Variants in KCNMA1 observed in about 807,000 individuals in gnomAD.
KCNMA1 encodes the protein potassium calcium-activated channel subfamily M alpha 1.
Under a neutral mutation model 140.0 loss-of-function variants are expected in KCNMA1, and 29 were observed. The ratio of observed to expected loss-of-function variants is 0.21; its 90% CI spans 0.15 to 0.28. The LOEUF (loss-of-function observed/expected upper bound fraction) is 0.28, where lower values mean the gene tolerates loss of function less well. Ranked by LOEUF, KCNMA1 falls within the 10% of genes least tolerant of loss-of-function variation. KCNMA1 has a pLI of 1.00. For missense variants in KCNMA1, 880 were observed against 1,602.2 expected (o/e 0.55, Z 7.70); for synonymous variants, 612 against 611.9 (o/e 1.00, Z 0.00).
chr10:77,502,588 C>G (rs1272127516), intron 1 of KCNMA1, among the ~76,000 whole-genome samples: 1 of 152,088 alleles, frequency 6.6e-6, no homozygotes, highest in Non-Finnish European at 1.5e-5. Context: ...AAAGAAGAAC[C>G]CCCACATCTC....
At chr10:77,045,530 C>T (rs2094992860) in intron 14 of KCNMA1, among the ~76,000 whole-genome samples, 1 of 152,178 alleles carries the variant, frequency 6.6e-6, no homozygotes, top group African/African-American at 2.4e-5. Flanking sequence ...TTCATCCAGT[C>T]TAGTTGAACC....
At chr10:77,495,514 C>A (rs2041579187) in intron 1 of KCNMA1, among the ~76,000 whole-genome samples, 1 of 152,208 alleles carries the variant, frequency 6.6e-6, no homozygotes, top group Admixed American at 6.5e-5. Flanking sequence ...GTAATCTGCA[C>A]CAACAGAAAC....
intron 3 of KCNMA1, chr10:77,217,633 A>T: frequency 2.3e-6 from 1 of 426,182 alleles, no homozygotes; most frequent in Non-Finnish European, 4.8e-6. Flanking sequence ...ACAAAAGGAG[A>T]AAAAAAGTGG....
At chr10:77,252,525 T>TGTGTGTGTG (rs2059840784) in intron 2 of KCNMA1, among the ~76,000 whole-genome samples, 1 of 145,728 alleles carries the variant, frequency 6.9e-6, no homozygotes, top group African/African-American at 2.6e-5. Flanking sequence ...TGATCAAGCT[T>TGTGTGTGTG]TGTGTGTGTG....
intron 1 of KCNMA1, among the ~76,000 whole-genome samples, chr10:77,524,452 T>C (rs1375449326): frequency 6.6e-6 from 1 of 152,224 alleles, no homozygotes; most frequent in African/African-American, 2.4e-5. Context: ...ATGTGCAAAC[T>C]ATGCTCTCTC....
intron 3 of KCNMA1, among the ~76,000 whole-genome samples, chr10:77,194,178 A>T (rs1385600030): frequency 6.6e-6 from 1 of 152,174 alleles, no homozygotes; most frequent in Non-Finnish European, 1.5e-5. Flanking sequence ...TCATATTCAT[A>T]CAGGGGATGG....
chr10:77,500,956 AAC>A (rs2043646547), intron 1 of KCNMA1, among the ~76,000 whole-genome samples: 1 of 152,198 alleles, frequency 6.6e-6, no homozygotes, highest in Admixed American at 6.5e-5. Context: ...ACTTATTAAA[AAC>A]ACACATTCTC....
intron 5 of KCNMA1, among the ~76,000 whole-genome samples, chr10:77,132,268 C>T (rs1260032692): frequency 6.6e-6 from 1 of 152,014 alleles, no homozygotes; most frequent in Non-Finnish European, 1.5e-5. Flanking sequence ...AGCCACACAG[C>T]AAAGTAGAGG....
intron 1 of KCNMA1, among the ~76,000 whole-genome samples, chr10:77,617,729 A>G (rs2090071705): frequency 6.6e-6 from 1 of 152,234 alleles, no homozygotes; most frequent in Non-Finnish European, 1.5e-5. Flanking sequence ...GATAGTATCT[A>G]CATCATAGGC....
chr10:76,887,086 G>A lies in KCNMA1; in HGVS notation c.*180C>T. 6.5e-7 allele frequency: 1 copy of A among 1,540,514 alleles called. No individual in the cohort carries two copies. Among genetic ancestry groups the A allele is most frequent in the South Asian group, 1.2e-5 (1 of 83,178 alleles). The stretch of plus-strand genomic sequence containing the variant: ...TCTGCTTATTTGCTGTTGTGCTCAA[G>A]GGTTTTATGGTGGTGAAATAAAAAT... On this transcript the variant is annotated 3_prime_UTR_variant, in exon 28 of 28. Coordinates refer to ENST00000286628, the MANE Select transcript of KCNMA1 (RefSeq NM_001161352.2).
chr10:76,957,409 G>A (rs1323187389), intron 20 of KCNMA1, among the ~76,000 whole-genome samples: 1 of 152,132 alleles, frequency 6.6e-6, no homozygotes, highest in Non-Finnish European at 1.5e-5. Flanking sequence ...AACTGATTGA[G>A]TATGACTGAT....
intron 2 of KCNMA1, among the ~76,000 whole-genome samples, chr10:77,255,890 G>T (rs1027540992): frequency 6.9e-6 from 1 of 145,118 alleles, no homozygotes; most frequent in African/African-American, 2.6e-5. Flanking sequence ...TCCAGCCTGG[G>T]CAACAGAGTG....
At chr10:77,033,051 C>A (rs2094052127) in intron 15 of KCNMA1, among the ~76,000 whole-genome samples, 1 of 152,104 alleles carries the variant, frequency 6.6e-6, no homozygotes, top group Non-Finnish European at 1.5e-5. Flanking sequence ...CCCCCTGAAC[C>A]CAACCCCACC....
At chr10:77,232,286 T>C (rs904148063) in intron 3 of KCNMA1, among the ~76,000 whole-genome samples, 10 of 152,246 alleles carry the variant, frequency 6.6e-5, no homozygotes, top group African/African-American at 2.4e-4. Context: ...AGGAGTGGAA[T>C]GTACATGTCA....
chr10:77,574,026 G>A (rs1031428204), intron 1 of KCNMA1, among the ~76,000 whole-genome samples: 9 of 151,928 alleles, frequency 5.9e-5, no homozygotes, highest in Non-Finnish European at 1.3e-4. Flanking sequence ...AGTAGAGACA[G>A]GGTTTCACCA....
chr10:77,149,349 TC>T (rs1482919306), intron 5 of KCNMA1, among the ~76,000 whole-genome samples: 2 of 152,240 alleles, frequency 1.3e-5, no homozygotes, highest in Non-Finnish European at 2.9e-5. Flanking sequence ...TTTCTTCCAA[TC>T]CAAAACAAGT....
intron 20 of KCNMA1, among the ~76,000 whole-genome samples, chr10:76,968,734 A>G (rs1193608323): frequency 6.6e-6 from 1 of 152,228 alleles, no homozygotes; most frequent in Non-Finnish European, 1.5e-5. Flanking sequence ...GGTGAAGTGG[A>G]AGGCAGAGAA....
chr10:77,559,389 C>G (rs2065602900), intron 1 of KCNMA1, among the ~76,000 whole-genome samples: 1 of 152,232 alleles, frequency 6.6e-6, no homozygotes, highest in Non-Finnish European at 1.5e-5. Context: ...CTCTAGGACT[C>G]TGTCGGTGCC....
Position 77,443,797 on chromosome 10 carries a change from C to T in KCNMA1, c.379-39774G>A, listed in dbSNP as rs140064720. Among the ~76,000 whole-genome samples, 70 of 152,140 alleles carry T rather than the reference C, an allele frequency of 4.6e-4. No individual in the cohort carries two copies. The East Asian group carries it at 0.013, about 29-fold the overall frequency. On this transcript the variant is annotated intron_variant, in intron 1 of 27. Coordinates refer to ENST00000286628, the MANE Select transcript of KCNMA1 (RefSeq NM_001161352.2). ...ATTTGTGATAAAGAAATACTGAATG[C>T]TAAAATGAAAATAAAAATATCTTCT...
Sources: gnomAD v4.1 joint callset for allele counts (sites outside exome capture counted in the v4.1 genomes callset) on GRCh38, gnomAD v4.1.1 for gene constraint, MANE v1.5 for transcripts, NCBI Gene and HGNC (gene_info 2026-07-23, HGNC 2026-07-21) for gene names.